AGBL4: variants seen among roughly 807,000 people sequenced by gnomAD.
AGBL4 encodes the protein cytosolic carboxypeptidase 6.
A neutral mutation model predicts 66.4 loss-of-function variants in AGBL4; 58 were observed. That is an observed-to-expected ratio of 0.87 (90% CI 0.71 to 1.09). The LOEUF (loss-of-function observed/expected upper bound fraction) is 1.09. AGBL4 is among the 50% of genes least tolerant of loss of function. AGBL4 has a pLI of 0.00. For synonymous variants in AGBL4, 234 were observed against 222.9 expected, an observed-to-expected ratio of 1.05 and a Z score of -0.44; for missense variants, 579 against 631.0, an observed-to-expected ratio of 0.92 and a Z score of 0.88.
intron 1 of AGBL4, 49 bp from the exon 2 acceptor site, chr1:49,851,567 G>A: frequency 1.3e-6 from 2 of 1,531,704 alleles, no homozygotes; most frequent in Non-Finnish European, 1.8e-6. Flanking sequence ...GGCAATTGAA[G>A]TCTAGTCAGA....
intron 3 of AGBL4, among the ~76,000 whole-genome samples, chr1:49,372,856 T>C (rs1215248760): frequency 6.6e-6 from 1 of 151,972 alleles, no homozygotes; most frequent in East Asian, 1.9e-4. Flanking sequence ...CCTCCTGGGC[T>C]CAAGCAATCT....
intron 4 of AGBL4, among the ~76,000 whole-genome samples, chr1:49,059,454 G>C (rs1644363552): frequency 6.6e-6 from 1 of 152,222 alleles, no homozygotes; most frequent in Non-Finnish European, 1.5e-5. Context: ...TTGCTACAGG[G>C]GCAGAGCCCT....
intron 3 of AGBL4, among the ~76,000 whole-genome samples, chr1:49,661,301 T>C (rs1343669711): frequency 1.3e-5 from 2 of 152,146 alleles, no homozygotes; most frequent in Admixed American, 1.3e-4. Flanking sequence ...TTTGGATGTT[T>C]TGTTCCCTCC....
At chr1:49,473,146 T>C (rs527618178) in intron 3 of AGBL4, among the ~76,000 whole-genome samples, 1 of 152,208 alleles carries the variant, frequency 6.6e-6, no homozygotes, top group East Asian at 1.9e-4. Context: ...TAAAATGATT[T>C]ATTTTCCTTT....
chr1:49,485,104 TG>T (rs1201595899), intron 3 of AGBL4, among the ~76,000 whole-genome samples: 1 of 151,940 alleles, frequency 6.6e-6, no homozygotes, highest in African/African-American at 2.4e-5. Flanking sequence ...ATCCCATTAC[TG>T]GGTATATACC....
At chr1:49,774,762 G>A (rs1219179594) in intron 2 of AGBL4, among the ~76,000 whole-genome samples, 1 of 152,136 alleles carries the variant, frequency 6.6e-6, no homozygotes, top group African/African-American at 2.4e-5. Context: ...ATAAAGGTAT[G>A]AAGAAATCGA....
At chr1:49,843,254 G>T (rs1297057825) in intron 2 of AGBL4, among the ~76,000 whole-genome samples, 1 of 152,078 alleles carries the variant, frequency 6.6e-6, no homozygotes, top group East Asian at 1.9e-4. Flanking sequence ...GGCCTCCTGA[G>T]TAGCTGGGAC....
chr1:48,996,414 T>C (rs980169433), intron 5 of AGBL4, among the ~76,000 whole-genome samples: 2 of 152,134 alleles, frequency 1.3e-5, no homozygotes, highest in Non-Finnish European at 2.9e-5. Context: ...TAACATTTAA[T>C]GTATGGGAGC....
intron 7 of AGBL4, among the ~76,000 whole-genome samples, chr1:48,654,098 G>A (rs117723629): frequency 1.2e-4 from 18 of 152,186 alleles, no homozygotes; most frequent in East Asian, 1.2e-3. Context: ...CCTGCCTTCC[G>A]GTCACCAAAT....
chr1:49,339,333 G>A (rs956250844), intron 3 of AGBL4, among the ~76,000 whole-genome samples: 1 of 152,150 alleles, frequency 6.6e-6, no homozygotes, highest in Non-Finnish European at 1.5e-5. Flanking sequence ...GTTACTTTAC[G>A]TTATTCCAAT....
Position 49,180,178 on chromosome 1 carries a change from G to A in AGBL4, c.377+65592C>T, listed in dbSNP as rs144610793. ...CTCCCAAAGTGCTGGGATTACAGGC[G>A]TGAGCCACTGCGCCCAGCTACTTAA... On this transcript the variant is annotated intron_variant, in intron 4 of 13. Transcript: ENST00000371839. Among the ~76,000 whole-genome samples, 897 of 152,286 alleles carry A rather than the reference G, an allele frequency of 5.9e-3. 6 individuals carry two copies. Among genetic ancestry groups the A allele is most frequent in the Middle Eastern group, 0.014 (4 of 294 alleles).
intron 1 of AGBL4, among the ~76,000 whole-genome samples, chr1:49,883,619 G>T (rs1160000643): frequency 6.6e-6 from 1 of 151,948 alleles, no homozygotes; most frequent in Admixed American, 6.6e-5. Context: ...ACAAAAAAAG[G>T]ACTTTTAGGA....
chr1:49,540,594 G>T (rs1651934326), intron 3 of AGBL4, among the ~76,000 whole-genome samples: 2 of 152,134 alleles, frequency 1.3e-5, no homozygotes, highest in Non-Finnish European at 1.5e-5. Flanking sequence ...CCAAAAGTTA[G>T]CAAAAGGATG....
At position 49,425,899 on chromosome 1, in the gene AGBL4, T is replaced by C. The variant is rs75644112; in HGVS notation, c.283-180035A>G. Among the ~76,000 whole-genome samples the C allele has an allele frequency of 8.0e-3, 1,216 of 152,326 alleles. 9 individuals carry two copies. Among genetic ancestry groups the C allele is most frequent in the Middle Eastern group, 0.031 (9 of 294 alleles). ...AGCTTTTTTCACAAGTGATTGCTCA[T>C]CTGTTCCTTGTCATCTTTGAGGAAA... On this transcript the variant is annotated intron_variant, in intron 3 of 13. Transcript: ENST00000371839.
At chr1:48,716,647 T>C (rs1647055740) in intron 6 of AGBL4, among the ~76,000 whole-genome samples, 1 of 152,162 alleles carries the variant, frequency 6.6e-6, no homozygotes, top group African/African-American at 2.4e-5. Context: ...GAGCAATCAA[T>C]TTTATGTGTC....
chr1:48,611,664 T>A (rs1292879888), intron 9 of AGBL4, among the ~76,000 whole-genome samples: 1 of 152,158 alleles, frequency 6.6e-6, no homozygotes, highest in Admixed American at 6.5e-5. Context: ...ATTTTAAAGA[T>A]CAAGTTTCAG....
intron 5 of AGBL4, among the ~76,000 whole-genome samples, chr1:49,020,479 G>A (rs115465527): frequency 4.6e-4 from 70 of 152,272 alleles, no homozygotes; most frequent in African/African-American, 1.7e-3. Flanking sequence ...GAACAGATGT[G>A]GGCAGGGCAA....
intron 3 of AGBL4, among the ~76,000 whole-genome samples, chr1:49,678,727 A>G (rs1375138084): frequency 1.3e-5 from 2 of 152,134 alleles, no homozygotes; most frequent in African/African-American, 2.4e-5. Context: ...TAAATTACTT[A>G]TAAGTGCATT....
chr1:49,737,905 C>T (rs530643374), intron 2 of AGBL4, among the ~76,000 whole-genome samples: 16 of 152,326 alleles, frequency 1.1e-4, no homozygotes, highest in Admixed American at 2.0e-4. Flanking sequence ...ACACAGAAGA[C>T]GAATGATTTC....
Sources: gnomAD v4.1 joint callset for allele counts (sites outside exome capture counted in the v4.1 genomes callset) on GRCh38, gnomAD v4.1.1 for gene constraint, MANE v1.5 for transcripts, NCBI Gene and HGNC (gene_info 2026-07-23, HGNC 2026-07-21) for gene names.